Variants in GPN1 observed in about 807,000 individuals in gnomAD.
GPN1 encodes ATP(GTP)-binding protein.
GPN1 carries 44 observed loss-of-function variants against 55.9 expected under a neutral mutation model. The ratio of observed to expected loss-of-function variants is 0.79; its 90% CI spans 0.62 to 1.01. The LOEUF is 1.01. Among genes scored for constraint, GPN1 ranks in the 50% least tolerant of loss-of-function variants. The pLI, the probability that GPN1 is intolerant of heterozygous loss-of-function variation, is 0.00. For synonymous variants in GPN1, 179 were observed against 162.5 expected (o/e 1.10, Z -0.77); for missense variants, 466 against 462.8 (o/e 1.01, Z -0.06).
At chr2:27,646,127 C>T (rs1439202243) in intron 12 of GPN1, among the ~76,000 whole-genome samples, 9 of 152,082 alleles carry the variant, frequency 5.9e-5, no homozygotes, top group East Asian at 3.9e-4. Flanking sequence ...CTGCAACCTC[C>T]GCCTCCCGGG....
In GPN1 at chr2:27,635,135, T is replaced by G; in HGVS notation, c.430-5T>G. 6.4e-7 allele frequency: 1 copy of G among 1,550,816 alleles called. No individual in the cohort carries two copies. The highest frequency in any genetic ancestry group is 1.4e-5 in the African/African-American group (1 of 73,514). On this transcript the variant is annotated splice_polypyrimidine_tract_variant and splice_region_variant and intron_variant, in intron 6 of 13. Coordinates refer to ENST00000610189, the MANE Select transcript of GPN1 (RefSeq NM_007266.4). ...ACCAAGGCTTTGATTTTTTTGTGGC[T>G]TTAGGCATCCTCATTTCCAACAGTT...
intron 2 of GPN1, among the ~76,000 whole-genome samples, chr2:27,630,477 C>T (rs915177840): frequency 4.3e-5 from 6 of 140,898 alleles, no homozygotes; most frequent in East Asian, 4.6e-4. Flanking sequence ...GCAGCCTCAA[C>T]ATCCCAGGCT....
chr2:27,650,028 G>GTACTGT (rs1674448758), intron 13 of GPN1, 87 bp from the exon 14 acceptor site: 2 of 768,684 alleles, frequency 2.6e-6, no homozygotes, highest in Middle Eastern at 4.7e-4. Context: ...TAGAAGTAAT[G>GTACTGT]TACTGTTTTC....
chr2:27,628,774 C>G (rs1401035212), upstream of GPN1: 1 of 1,531,016 alleles, frequency 6.5e-7, no homozygotes, highest in Non-Finnish European at 8.8e-7. Context: ...CTCTTCTGGC[C>G]TTCCTCCGGG....
At chr2:27,644,122 C>G (rs1447041103) in intron 12 of GPN1, among the ~76,000 whole-genome samples, 1 of 152,162 alleles carries the variant, frequency 6.6e-6, no homozygotes, top group Admixed American at 6.5e-5. Context: ...TTGCAGTGAG[C>G]AAAGATCGCG....
intron 2 of GPN1, among the ~76,000 whole-genome samples, chr2:27,630,179 C>T (rs1673480927): frequency 6.6e-6 from 1 of 151,920 alleles, no homozygotes; most frequent in Middle Eastern, 3.2e-3. Flanking sequence ...TCCAGCTACT[C>T]GGGAGGCTGA....
In GPN1 at chr2:27,642,524, T is replaced by C. The variant is rs755147291; in HGVS notation, c.931+5T>C. On this transcript the variant is annotated splice_donor_5th_base_variant and intron_variant, in intron 12 of 13. Transcript: ENST00000610189. ...TGGATGCAGGGACTGCCAAAGGTAT[T>C]GGAGGGTTTCTTGGTGTTAGGAACT... 6.4e-7 allele frequency: 1 copy of C among 1,572,160 alleles called. No individual in the cohort carries two copies.
At position 27,629,869 on chromosome 2, in the gene GPN1, GA is replaced by G; in HGVS notation, c.123del (p.His42ThrfsTer11). 2 of 1,597,390 alleles carry G rather than the reference GA, an allele frequency of 1.3e-6. No individual in the cohort carries two copies. Among genetic ancestry groups the G allele is most frequent in the Non-Finnish European group, 1.7e-6 (2 of 1,164,806 alleles). ...CCCATATCTCTGCAGAGGCTCACAG[GA>G]CACCTGCATGCCCAAGGCACTCCAC... ...GKTTFVQRLT[G>X]HLHAQGTPPY... On this transcript the variant is annotated frameshift_variant, in exon 2 of 14. Transcript: ENST00000610189. LOFTEE classifies it high-confidence loss of function.
At chr2:27,634,652 C>T (rs910127471) in intron 5 of GPN1, among the ~76,000 whole-genome samples, 194 bp from the exon 6 acceptor site, 2 of 152,154 alleles carry the variant, frequency 1.3e-5, no homozygotes, top group Admixed American at 6.5e-5. Context: ...TGCCCATTGG[C>T]GTGAATATTG....
intron 12 of GPN1, among the ~76,000 whole-genome samples, chr2:27,645,055 A>G (rs1373161717): frequency 6.6e-6 from 1 of 151,906 alleles, no homozygotes; most frequent in African/African-American, 2.4e-5. Context: ...GCAGCCTCGA[A>G]CTACTGGGCT....
upstream of GPN1, chr2:27,628,561 C>G: frequency 6.4e-7 from 1 of 1,551,618 alleles, no homozygotes. Flanking sequence ...CTCAAAGGGT[C>G]TCGGTGCTGC....
chr2:27,632,020 T>C (rs1179473610), intron 4 of GPN1, 120 bp downstream of exon 4: 3 of 708,316 alleles, frequency 4.2e-6, no homozygotes, highest in Non-Finnish European at 7.7e-6. Context: ...AGAAAATAAG[T>C]AGGCATTTTG....
chr2:27,648,672 A>G (rs938069422), intron 13 of GPN1, among the ~76,000 whole-genome samples: 2 of 152,082 alleles, frequency 1.3e-5, no homozygotes, highest in Non-Finnish European at 2.9e-5. Flanking sequence ...GTTTTGCTTC[A>G]TTGCCCAGGC....
At chr2:27,641,369 T>G in intron 11 of GPN1, 90 bp downstream of exon 11, 3 of 885,908 alleles carry the variant, frequency 3.4e-6, no homozygotes, top group Non-Finnish European at 5.4e-6. Flanking sequence ...GTTTTGGTTA[T>G]TAATGTATCT....
At chr2:27,648,466 CT>C (rs1366685079) in intron 13 of GPN1, among the ~76,000 whole-genome samples, 3 of 152,180 alleles carry the variant, frequency 2.0e-5, no homozygotes, top group African/African-American at 7.2e-5. Context: ...CTATTATGAG[CT>C]ATGACTGTGC....
chr2:27,650,077 G>T, intron 13 of GPN1, 38 bp from the exon 14 acceptor site: 1 of 1,113,154 alleles, frequency 9.0e-7, no homozygotes, highest in South Asian at 1.2e-5. Context: ...TTTGTCTAAT[G>T]AAAGAGTTGA....
At chr2:27,640,487 C>T (rs961115746) in intron 10 of GPN1, among the ~76,000 whole-genome samples, 1 of 152,110 alleles carries the variant, frequency 6.6e-6, no homozygotes, top group Admixed American at 6.5e-5. Flanking sequence ...AATTAATGGG[C>T]GTGGCTAGTG....
intron 13 of GPN1, 30 bp downstream of exon 13, chr2:27,647,973 A>G: frequency 8.2e-7 from 1 of 1,218,006 alleles, no homozygotes; most frequent in Non-Finnish European, 1.2e-6. Flanking sequence ...GCCCGTGGCA[A>G]CAGAGCATCT....
chr2:27,628,334 A>G, upstream of GPN1: 1 of 1,442,944 alleles, frequency 6.9e-7, no homozygotes, highest in African/African-American at 1.4e-5. Context: ...ATCTTTCCTG[A>G]GTTTCTGAGG....
Sources: gnomAD v4.1 joint callset for allele counts (sites outside exome capture counted in the v4.1 genomes callset) on GRCh38, gnomAD v4.1.1 for gene constraint, MANE v1.5 for transcripts, NCBI Gene and HGNC (gene_info 2026-07-23, HGNC 2026-07-21) for gene names.